The following AP3S1 variants were observed in gnomAD, a reference collection of about 807,000 sequenced individuals.
AP3S1 encodes adaptor related protein complex 3 subunit sigma 1.
AP3S1 carries 12 observed loss-of-function variants against 21.3 expected under a neutral mutation model. That is an observed-to-expected ratio of 0.56 (90% CI 0.36 to 0.91). The LOEUF (loss-of-function observed/expected upper bound fraction) is 0.91, where lower values mean the gene tolerates loss of function less well. Among genes scored for constraint, AP3S1 ranks in the 40% least tolerant of loss-of-function variants. The pLI is 0.01. For missense variants in AP3S1, 116 were observed against 225.0 expected, an observed-to-expected ratio of 0.52 and a Z score of 3.10; for synonymous variants, 48 against 78.4, an observed-to-expected ratio of 0.61 and a Z score of 2.05.
At chr5:115,906,883 A>T in intron 5 of AP3S1, 1 of 1,499,020 alleles carries the variant, frequency 6.7e-7, no homozygotes, top group Non-Finnish European at 8.8e-7. Flanking sequence ...TTTGAGAAAT[A>T]TGTACTATAA....
intron 1 of AP3S1, among the ~76,000 whole-genome samples, chr5:115,863,899 C>A (rs1763396891): frequency 6.6e-6 from 1 of 152,080 alleles, no homozygotes; most frequent in East Asian, 1.9e-4. Context: ...TGTTGCTGAC[C>A]AAGAGGTAGC....
Position 115,852,881 on chromosome 5 carries a change from A to G in AP3S1, c.69+10775A>G, listed in dbSNP as rs1337621103. The G allele has an allele frequency of 4.8e-5, 16 of 330,322 alleles. No individual in the cohort carries two copies. In the Admixed American group the frequency reaches 5.2e-4, roughly 11 times the overall value. The allele number at this position is 330,322 out of a possible 1,614,324, so 20.5% of individuals were successfully genotyped here. On this transcript the variant is annotated intron_variant, in intron 1 of 5. Transcript: ENST00000316788. ...TGTTTGTCCATTTATCAATTGATGG[A>G]CATCTGGGTTGTTTCCACTTTTTGG...
chr5:115,881,022 C>G (rs1471691891), intron 3 of AP3S1, among the ~76,000 whole-genome samples: 3 of 151,632 alleles, frequency 2.0e-5, no homozygotes, highest in African/African-American at 7.3e-5. Context: ...ATTGCAACCC[C>G]TGCTTTTTTT....
chr5:115,852,260 A>G (rs1298036296), intron 1 of AP3S1, among the ~76,000 whole-genome samples: 1 of 152,082 alleles, frequency 6.6e-6, no homozygotes, highest in African/African-American at 2.4e-5. Context: ...AAAGGTTTGT[A>G]AGATCTGAAG....
intron 3 of AP3S1, among the ~76,000 whole-genome samples, chr5:115,894,495 A>T (rs1471920523): frequency 6.6e-6 from 1 of 152,222 alleles, no homozygotes; most frequent in Non-Finnish European, 1.5e-5. Context: ...GCCAAGGGCT[A>T]GTCCTGAAAA....
intron 2 of AP3S1, among the ~76,000 whole-genome samples, chr5:115,868,477 T>C (rs909023193): frequency 2.0e-5 from 3 of 152,182 alleles, no homozygotes; most frequent in African/African-American, 4.8e-5. Context: ...AAATTTTTAT[T>C]CTTGTCAAAG....
intron 3 of AP3S1, among the ~76,000 whole-genome samples, chr5:115,879,757 C>G (rs923341722): frequency 6.6e-6 from 1 of 152,024 alleles, no homozygotes; most frequent in Non-Finnish European, 1.5e-5. Flanking sequence ...TTCCATTGAT[C>G]GGAGTAGTTT....
intron 4 of AP3S1, among the ~76,000 whole-genome samples, chr5:115,895,659 A>G (rs1750700503): frequency 6.6e-6 from 1 of 152,214 alleles, no homozygotes; most frequent in South Asian, 2.1e-4. Flanking sequence ...GTTTTTAAAC[A>G]AGTTTTTACT....
intron 1 of AP3S1, among the ~76,000 whole-genome samples, chr5:115,853,817 C>T (rs1277556609): frequency 1.3e-5 from 2 of 152,142 alleles, no homozygotes; most frequent in Non-Finnish European, 2.9e-5. Context: ...CCATGGTTGA[C>T]TCTCTAAATA....
intron 3 of AP3S1, among the ~76,000 whole-genome samples, chr5:115,879,743 C>T (rs943353007): frequency 2.2e-4 from 34 of 152,136 alleles, no homozygotes; most frequent in African/African-American, 8.2e-4. Flanking sequence ...AGGAGACTCT[C>T]TTTTTCCATT....
intron 5 of AP3S1, among the ~76,000 whole-genome samples, chr5:115,908,649 T>C (rs959224921): frequency 1.1e-4 from 16 of 152,178 alleles, no homozygotes; most frequent in Non-Finnish European, 2.4e-4. Flanking sequence ...AAATGACTAA[T>C]AATTTGGAAG....
At chr5:115,908,162 G>A (rs1425250264) in intron 5 of AP3S1, among the ~76,000 whole-genome samples, 1 of 152,016 alleles carries the variant, frequency 6.6e-6, no homozygotes, top group Admixed American at 6.6e-5. Context: ...CTGGGGTACC[G>A]TTTTTGGTCC....
At chr5:115,867,264 A>G (rs1436158804) in intron 2 of AP3S1, among the ~76,000 whole-genome samples, 1 of 152,150 alleles carries the variant, frequency 6.6e-6, no homozygotes, top group Non-Finnish European at 1.5e-5. Flanking sequence ...ATTCTTTTTA[A>G]TGACTACAGA....
intron 2 of AP3S1, among the ~76,000 whole-genome samples, chr5:115,868,227 G>A (rs183736418): frequency 9.2e-5 from 14 of 152,210 alleles, no homozygotes; most frequent in South Asian, 2.1e-4. Flanking sequence ...AGCATTACTG[G>A]CCTTTTTGAA....
rs557055060 is a variant in AP3S1, at chr5:115,863,849, G to C, written c.70-2821G>C. 3.9e-5 allele frequency among the ~76,000 whole-genome samples: 6 copies of C among 152,290 alleles called. No homozygotes were observed. The South Asian group carries it at 8.3e-4, about 21-fold the overall frequency. On this transcript the variant is annotated intron_variant, in intron 1 of 5. Coordinates refer to ENST00000316788, the MANE Select transcript of AP3S1 (RefSeq NM_001284.4). ...GATGGTTTGATGCTTATAGAAAGAG[G>C]TTTGAGTTTAAAAATGTCAAGATGA...
chr5:115,893,163 A>C (rs1211203896), intron 3 of AP3S1, among the ~76,000 whole-genome samples: 2 of 152,168 alleles, frequency 1.3e-5, no homozygotes, highest in African/African-American at 4.8e-5. Context: ...GTAATCCTTG[A>C]ATAACACCAC....
rs1486644697 is a variant in AP3S1 at position 115,841,983 on chromosome 5, G to A, written c.-55G>A. 6.5e-7 allele frequency: 1 copy of A among 1,534,682 alleles called. No homozygotes were observed. The highest frequency in any genetic ancestry group is 8.8e-7 in the Non-Finnish European group (1 of 1,138,788). On this transcript the variant is annotated 5_prime_UTR_variant, in exon 1 of 6. Coordinates refer to ENST00000316788, the MANE Select transcript of AP3S1 (RefSeq NM_001284.4). ...CAGGCGAGATTACGAGGCGAGGCTC[G>A]CGCGCCCGCCCCCGCCCTGGCCCCC...
intron 4 of AP3S1, 87 bp from the exon 5 acceptor site, chr5:115,902,798 A>G (rs1751323798): frequency 1.1e-6 from 1 of 904,656 alleles, no homozygotes; most frequent in Non-Finnish European, 1.6e-6. Flanking sequence ...TAACATAGAC[A>G]AAGTGGTATT....
At chr5:115,903,799 T>C (rs898209288) in intron 5 of AP3S1, 1 of 152,200 alleles carries the variant, frequency 6.6e-6, no homozygotes, top group Admixed American at 6.5e-5. Context: ...CACATTATTT[T>C]GGTTGTTTAT....
Sources: allele counts gnomAD v4.1 joint callset (sites outside exome capture counted in the v4.1 genomes callset), GRCh38; gene constraint gnomAD v4.1.1; transcripts MANE v1.5; gene names NCBI Gene and HGNC (gene_info 2026-07-23, HGNC 2026-07-21).